Variants in PABPC4L observed in about 807,000 individuals in gnomAD.
PABPC4L encodes the protein poly(A) binding protein cytoplasmic 4 like.
For synonymous variants in PABPC4L, 169 were observed against 164.1 expected (o/e 1.03, Z -0.23); for missense variants, 452 against 451.4 (o/e 1.00, Z -0.01).
At chr4:133,964,907 C>A in the PABPC4L span, among the ~76,000 whole-genome samples, 1 of 152,042 alleles carries the variant, frequency 6.6e-6, no homozygotes, top group Non-Finnish European at 1.5e-5. Flanking sequence ...AGAACTGGAA[C>A]AAGACAAGGA....
the PABPC4L span, among the ~76,000 whole-genome samples, chr4:133,958,393 G>A: frequency 2.6e-5 from 4 of 152,120 alleles, no homozygotes; most frequent in East Asian, 3.9e-4. Flanking sequence ...AAGTCTCTAG[G>A]AAGTTCCAAA....
the PABPC4L span, among the ~76,000 whole-genome samples, chr4:134,149,499 C>A: frequency 1.3e-5 from 2 of 152,242 alleles, no homozygotes; most frequent in South Asian, 2.1e-4. Flanking sequence ...CAGGCTCCTA[C>A]CCTCCCATGG....
chr4:133,961,333 G>A, the PABPC4L span, among the ~76,000 whole-genome samples: 1 of 152,106 alleles, frequency 6.6e-6, no homozygotes, highest in Admixed American at 6.5e-5. Flanking sequence ...CAGCTCAGCT[G>A]TCAGTGAGAG....
the PABPC4L span, among the ~76,000 whole-genome samples, chr4:134,050,754 T>C: frequency 6.9e-6 from 1 of 145,510 alleles, no homozygotes; most frequent in African/African-American, 2.6e-5. Flanking sequence ...AAGGATATAC[T>C]TCAGTGAAAC....
chr4:134,111,953 C>T, the PABPC4L span, among the ~76,000 whole-genome samples: 2 of 151,680 alleles, frequency 1.3e-5, no homozygotes, highest in Non-Finnish European at 2.9e-5. Flanking sequence ...GAAAAGGTAA[C>T]CAGAAAATCT....
the PABPC4L span, among the ~76,000 whole-genome samples, chr4:134,102,292 A>C: frequency 6.6e-6 from 1 of 151,530 alleles, no homozygotes; most frequent in Non-Finnish European, 1.5e-5. Context: ...ATGATATAAT[A>C]ATGTTATAAG....
At chr4:134,050,056 G>T in the PABPC4L span, among the ~76,000 whole-genome samples, 156 of 152,214 alleles carry the variant, frequency 1.0e-3, 1 homozygote, top group African/African-American at 3.6e-3. Context: ...GTGATTAACT[G>T]ATGTGCACTC....
At chr4:134,123,287 G>A in the PABPC4L span, among the ~76,000 whole-genome samples, 2 of 151,980 alleles carry the variant, frequency 1.3e-5, no homozygotes, top group Non-Finnish European at 2.9e-5. Context: ...GCACTAGACA[G>A]CATCTCAGAA....
At chr4:133,993,707 C>A in the PABPC4L span, among the ~76,000 whole-genome samples, 2 of 152,104 alleles carry the variant, frequency 1.3e-5, no homozygotes, top group Non-Finnish European at 2.9e-5. Flanking sequence ...TAAGTTTCTC[C>A]AATTTTGGTG....
the PABPC4L span, among the ~76,000 whole-genome samples, chr4:134,063,107 A>C: frequency 6.6e-6 from 1 of 152,230 alleles, no homozygotes; most frequent in East Asian, 1.9e-4. Flanking sequence ...GAGGCTGTGA[A>C]GAATTGTCAG....
the PABPC4L span, among the ~76,000 whole-genome samples, chr4:134,061,620 C>CAGAGAGAGAG: frequency 9.8e-5 from 14 of 143,460 alleles, no homozygotes; most frequent in Middle Eastern, 3.6e-3. Context: ...CAAACATACA[C>CAGAGAGAGAG]AGAGAGAGAG....
the PABPC4L span, among the ~76,000 whole-genome samples, chr4:134,175,379 C>T: frequency 6.6e-6 from 1 of 151,716 alleles, no homozygotes; most frequent in South Asian, 2.1e-4. Flanking sequence ...TGATGCCACC[C>T]AAATGATCTG....
chr4:134,098,495 G>A, the PABPC4L span, among the ~76,000 whole-genome samples: 1 of 151,586 alleles, frequency 6.6e-6, no homozygotes, highest in Non-Finnish European at 1.5e-5. Context: ...GTGGTAAAGA[G>A]GGAGAAATTA....
chr4:134,057,662 G>T, the PABPC4L span, among the ~76,000 whole-genome samples: 1 of 152,062 alleles, frequency 6.6e-6, no homozygotes, highest in Non-Finnish European at 1.5e-5. Flanking sequence ...GTCAACAGTG[G>T]AAGTCTGTTT....
At chr4:133,980,551 A>G in the PABPC4L span, among the ~76,000 whole-genome samples, 2 of 152,228 alleles carry the variant, frequency 1.3e-5, no homozygotes, top group Non-Finnish European at 1.5e-5. Context: ...CACACGAGAC[A>G]GGGAAAGAGA....
At chr4:134,186,672 G>A in the PABPC4L span, among the ~76,000 whole-genome samples, 7,338 of 152,002 alleles carry the variant, frequency 0.048, 252 homozygotes, top group African/African-American at 0.098. Flanking sequence ...CAATGGCAAC[G>A]AAAGCCAAAA....
At chr4:134,141,508 A>C in the PABPC4L span, among the ~76,000 whole-genome samples, 1 of 149,880 alleles carries the variant, frequency 6.7e-6, no homozygotes. Flanking sequence ...TAACTATTAT[A>C]TGTAATTATA....
At chr4:134,046,812 C>T in the PABPC4L span, among the ~76,000 whole-genome samples, 1 of 152,216 alleles carries the variant, frequency 6.6e-6, no homozygotes, top group South Asian at 2.1e-4. Flanking sequence ...ATCCCTTAAA[C>T]CTTGATTCCA....
At chr4:134,168,435 A>G in the PABPC4L span, among the ~76,000 whole-genome samples, 18 of 152,048 alleles carry the variant, frequency 1.2e-4, no homozygotes, top group African/African-American at 4.1e-4. Flanking sequence ...GAAATAAATG[A>G]AATTGAGACA....
Sources: allele counts gnomAD v4.1 joint callset (sites outside exome capture counted in the v4.1 genomes callset), GRCh38; gene constraint gnomAD v4.1.1; transcripts MANE v1.5; gene names NCBI Gene and HGNC (gene_info 2026-07-23, HGNC 2026-07-21).